Variants in STIL observed in about 807,000 individuals in gnomAD.
The protein encoded by STIL is SCL-interrupting locus protein.
A neutral mutation model predicts 110.1 loss-of-function variants in STIL; 55 were observed. The ratio of observed to expected loss-of-function variants is 0.50; its 90% CI spans 0.40 to 0.63. STIL has a LOEUF of 0.63. STIL is among the 20% of genes least tolerant of loss of function. The probability of loss-of-function intolerance (pLI) is 0.00; values close to 1 mark genes in which losing one functional copy is unlikely to be tolerated. For synonymous variants in STIL, 481 were observed against 530.0 expected (o/e 0.91, Z 1.27); for missense variants, 1,358 against 1,530.0 (o/e 0.89, Z 1.87).
chr1:47,308,317 T>C (rs2149260899), intron 2 of STIL, among the ~76,000 whole-genome samples: 1 of 151,234 alleles, frequency 6.6e-6, no homozygotes, highest in South Asian at 2.1e-4. Flanking sequence ...CTTTTATTTC[T>C]CAAGGCAGCG....
chr1:47,280,501 A>C lies in STIL; in HGVS notation c.1957T>G (p.Cys653Gly), dbSNP rs1645126443. The change falls in exon 12 of 17, where the codon TGT (cysteine) becomes GGT (glycine). Residue 653 changes from cysteine to glycine, a missense_variant. Transcript: ENST00000371877. ...CTACTTGAAGAACAGAATGCATTACAGTACAGGGCTGGACATCCACTTGGG... is the reference window on the plus strand; with the variant it reads ...CTACTTGAAGAACAGAATGCATTACCGTACAGGGCTGGACATCCACTTGGG... Reference protein sequence around the residue: ...FHPSGCPALYCNAFCSSSSPI... With the variant: ...FHPSGCPALYGNAFCSSSSPI... The C allele has an allele frequency of 1.2e-6, 2 of 1,614,260 alleles. No homozygotes were observed. The highest frequency in any genetic ancestry group is 3.3e-4 in the Middle Eastern group (2 of 6,062).
Position 47,280,842 on chromosome 1 carries a change from T to G in STIL, c.1616A>C (p.Gln539Pro), listed in dbSNP as rs775788985. Residue 539 changes from glutamine to proline, a missense_variant, in exon 12 of 17, where the codon CAA (glutamine) becomes CCA (proline). Transcript: ENST00000371877. ...GPSHDIFEKL[Q>P]TVSAGNVQNE... ...TTGTACATTTCCAGCAGAAACTGTTTGGAGCTTTTCAAATATATCATGAGA... is the reference window on the plus strand; with the variant it reads ...TTGTACATTTCCAGCAGAAACTGTTGGGAGCTTTTCAAATATATCATGAGA... 6.2e-7 allele frequency: 1 copy of G among 1,614,224 alleles called. No homozygotes were observed. Among genetic ancestry groups the G allele is most frequent in the Non-Finnish European group, 8.5e-7 (1 of 1,180,040 alleles).
intron 16 of STIL, among the ~76,000 whole-genome samples, chr1:47,258,616 C>T (rs1644388959): frequency 6.6e-6 from 1 of 152,054 alleles, no homozygotes; most frequent in African/African-American, 2.4e-5. Context: ...CGGCTGTAAT[C>T]CTAGCACTTT....
At chr1:47,265,643 T>C (rs1443181312) in intron 14 of STIL, among the ~76,000 whole-genome samples, 1 of 151,846 alleles carries the variant, frequency 6.6e-6, no homozygotes, top group Non-Finnish European at 1.5e-5. Flanking sequence ...TAGCCGGGCA[T>C]AGTGGCAAGT....
At chr1:47,270,263 C>T (rs1186426723) in intron 13 of STIL, among the ~76,000 whole-genome samples, 49 of 141,698 alleles carry the variant, frequency 3.5e-4, no homozygotes, top group African/African-American at 1.3e-3. Context: ...TATACACACA[C>T]ACACACACAC....
chr1:47,299,087 C>A (rs1645726855), intron 6 of STIL, among the ~76,000 whole-genome samples: 1 of 151,372 alleles, frequency 6.6e-6, no homozygotes, highest in Admixed American at 6.6e-5. Context: ...GTAGCTCACC[C>A]CTGTAATCTC....
In STIL at chr1:47,289,452, T is replaced by G; in HGVS notation, c.1006A>C (p.Thr336Pro). The change falls in exon 9 of 17, where the codon ACA becomes CCA. Residue 336 changes from threonine (T) to proline (P), a missense_variant. Coordinates refer to ENST00000371877, the MANE Select transcript of STIL (RefSeq NM_001048166.1). ...FRFQLLTSKE[T>P]LHLFKNVEPP... is the part of the protein sequence containing the mutation. ...TCACTTACTTTGAAAAGATGTAATG[T>G]TTCCTTACTGGTTAGCAACTGAAAC... The G allele has an allele frequency of 6.2e-7, 1 of 1,614,006 alleles. No individual in the cohort carries two copies. Among genetic ancestry groups the G allele is most frequent in the Non-Finnish European group, 8.5e-7 (1 of 1,179,910 alleles).
chr1:47,281,201 C>T lies in STIL; in HGVS notation c.1257G>A (p.Lys419=). ...SPHPVSQKIS[K]IQPSVPELSL... Reference sequence around the variant, plus strand: ...AAAGTTCAGGAACTGATGGTTGGATCTTAGAAATCTACAAATAAGAAAGAA... The same window carrying T: ...AAAGTTCAGGAACTGATGGTTGGATTTTAGAAATCTACAAATAAGAAAGAA... Residue 419 remains lysine (K), a synonymous_variant, in exon 12 of 17, where the codon AAG becomes AAA. Transcript: ENST00000371877. The T allele has an allele frequency of 6.2e-7, 1 of 1,611,340 alleles. No homozygotes were observed. Among genetic ancestry groups the T allele is most frequent in the Non-Finnish European group, 8.5e-7 (1 of 1,179,328 alleles).
intron 14 of STIL, among the ~76,000 whole-genome samples, chr1:47,265,247 A>AAAAAAAC (rs1313753186): frequency 1.3e-5 from 2 of 150,458 alleles, no homozygotes; most frequent in Non-Finnish European, 3.0e-5. Flanking sequence ...CAAAAAAAAA[A>AAAAAAAC]AAAAAAAAAA....
At chr1:47,289,836 G>T (rs1251578317) in intron 8 of STIL, among the ~76,000 whole-genome samples, 1 of 151,454 alleles carries the variant, frequency 6.6e-6, no homozygotes, top group Non-Finnish European at 1.5e-5. Context: ...TATTCAGGAG[G>T]CTGAGGCAGG....
intron 14 of STIL, among the ~76,000 whole-genome samples, chr1:47,263,440 G>C (rs1644539638): frequency 1.3e-5 from 2 of 152,184 alleles, no homozygotes; most frequent in Non-Finnish European, 2.9e-5. Context: ...AGCTGCTCAG[G>C]AGGCTGAGCA....
chr1:47,300,795 C>T (rs1370656211), intron 5 of STIL, among the ~76,000 whole-genome samples: 1 of 152,176 alleles, frequency 6.6e-6, no homozygotes, highest in East Asian at 1.9e-4. Context: ...CTCAGAGAAT[C>T]TAAAGTCCAT....
Position 47,280,976 on chromosome 1 carries a change from C to A in STIL, c.1482G>T (p.Gln494His). The A allele has an allele frequency of 6.2e-6, 10 of 1,613,922 alleles. No homozygotes were observed. Among genetic ancestry groups the A allele is most frequent in the African/African-American group, 1.3e-5 (1 of 74,974 alleles). The change falls in exon 12 of 17, where the codon CAG becomes CAT. Residue 494 changes from glutamine to histidine, a missense_variant. Transcript: ENST00000371877. ...SLRGIPNQLN[Q>H]DKPALLRHCK... ...AGTGTCTCAAAAGAGCTGGTTTATC[C>A]TGGTTTAACTGATTTGGTATTCCTC...
chr1:47,259,006 T>TTTTTTTTTTTTTTAGACA (rs55925437), intron 16 of STIL, among the ~76,000 whole-genome samples: 2 of 51,702 alleles, frequency 3.9e-5, no homozygotes, highest in Non-Finnish European at 5.1e-5. Context: ...TTTTTTTTTT[T>TTTTTTTTTTTTTTAGACA]GAGACAGTCT....
rs1255668101 is a variant in STIL at position 47,279,743 on chromosome 1, A to AC, written c.2217+497_2217+498insG. Among the ~76,000 whole-genome samples the AC allele has an allele frequency of 7.3e-5, 11 of 151,558 alleles. No individual in the cohort carries two copies. The East Asian group carries it at 1.4e-3, about 19-fold the overall frequency. On this transcript the variant is annotated intron_variant, in intron 12 of 16. Transcript: ENST00000371877. Reference sequence around the variant, plus strand: ...ACTCCGTCTCAAAAAAAAAAAAAAAAAACAACAAAAAACTAAGAACTCTGC... The same window carrying AC: ...ACTCCGTCTCAAAAAAAAAAAAAAAACAACAACAAAAAACTAAGAACTCTGC...
intron 1 of STIL, among the ~76,000 whole-genome samples, chr1:47,311,849 C>T (rs1646135815): frequency 6.6e-6 from 1 of 151,752 alleles, no homozygotes; most frequent in Admixed American, 6.6e-5. Context: ...GAGTTCGAGA[C>T]CAGCCGGGTC....
At position 47,311,962 on chromosome 1, in the gene STIL, A is replaced by C. The variant is rs543745168; in HGVS notation, c.-43-1600T>G. 4.6e-5 allele frequency among the ~76,000 whole-genome samples: 7 copies of C among 152,154 alleles called. No individual in the cohort carries two copies. In the South Asian group the frequency reaches 1.5e-3, roughly 32 times the overall value. On this transcript the variant is annotated intron_variant, in intron 1 of 16. Coordinates refer to ENST00000371877, the MANE Select transcript of STIL (RefSeq NM_001048166.1). ...GTCAGGAGGCTGGGACAGGAGAATC[A>C]CTTGAACCTGGGAGGGGAGGTTGCA... is the stretch of plus-strand genomic sequence containing the variant.
intron 14 of STIL, among the ~76,000 whole-genome samples, chr1:47,265,682 G>A (rs1262442199): frequency 2.0e-5 from 3 of 150,806 alleles, no homozygotes; most frequent in Non-Finnish European, 2.9e-5. Context: ...TTGGCAGGCT[G>A]AGGCAGGAGA....
intron 14 of STIL, among the ~76,000 whole-genome samples, chr1:47,263,743 A>ATTTTTT (rs1557711517): frequency 6.0e-5 from 5 of 83,316 alleles, no homozygotes; most frequent in Admixed American, 1.3e-4. Flanking sequence ...GTTCATTCCA[A>ATTTTTT]GTTTTTTTTT....
Sources: gnomAD v4.1 joint callset for allele counts (sites outside exome capture counted in the v4.1 genomes callset) on GRCh38, gnomAD v4.1.1 for gene constraint, MANE v1.5 for transcripts, NCBI Gene and HGNC (gene_info 2026-07-23, HGNC 2026-07-21) for gene names.